Variants in SYNE3 observed in about 807,000 individuals in gnomAD.
The protein encoded by SYNE3 is nesprin-3.
In SYNE3, 100 loss-of-function variants were observed where a neutral mutation model predicts 111.2. The ratio of observed to expected loss-of-function variants is 0.90; its 90% CI spans 0.77 to 1.06. SYNE3 has a LOEUF of 1.06. SYNE3 is among the 50% of genes least tolerant of loss of function. The pLI is 0.00. For synonymous variants in SYNE3, 547 were observed against 533.9 expected, an observed-to-expected ratio of 1.02 and a Z score of -0.34; for missense variants, 1,160 against 1,240.3, an observed-to-expected ratio of 0.94 and a Z score of 0.97.
At chr14:95,434,023 G>GGTTT (rs1885942174) in intron 15 of SYNE3, among the ~76,000 whole-genome samples, 1 of 152,038 alleles carries the variant, frequency 6.6e-6, no homozygotes, top group Middle Eastern at 3.2e-3. Flanking sequence ...AAAGCAAGGG[G>GGTTT]GTTTAACTTG....
At chr14:95,450,540 C>A in intron 7 of SYNE3, 1 of 166,810 alleles carries the variant, frequency 6.0e-6, no homozygotes, top group Non-Finnish European at 1.3e-5. Context: ...AGCCAGGCAT[C>A]ATAGTGCATG....
intron 1 of SYNE3, 103 bp from the exon 2 acceptor site, chr14:95,475,938 C>G: frequency 8.4e-7 from 1 of 1,183,896 alleles, no homozygotes; most frequent in African/African-American, 1.6e-5. Flanking sequence ...ACCACCAACC[C>G]TCCCCTGGTG....
At chr14:95,486,370 C>A (rs73343126) in intron 1 of SYNE3, among the ~76,000 whole-genome samples, 1 of 151,872 alleles carries the variant, frequency 6.6e-6, no homozygotes, top group Non-Finnish European at 1.5e-5. Context: ...CCACCCCCCA[C>A]CCCTCTCCCA....
intron 17 of SYNE3, among the ~76,000 whole-genome samples, chr14:95,431,653 C>A (rs972440475): frequency 6.6e-6 from 1 of 152,224 alleles, no homozygotes; most frequent in Admixed American, 6.5e-5. Flanking sequence ...CTGTCCCTAC[C>A]GAGCCCCATA....
intron 6 of SYNE3, 142 bp from the exon 7 acceptor site, chr14:95,452,525 T>A: frequency 9.7e-7 from 1 of 1,035,996 alleles, no homozygotes; most frequent in Non-Finnish European, 1.3e-6. Flanking sequence ...GGGGCCCCAC[T>A]CTTGAGCTCA....
intron 17 of SYNE3, among the ~76,000 whole-genome samples, chr14:95,429,584 T>G (rs1458786588): frequency 1.3e-5 from 2 of 152,248 alleles, no homozygotes; most frequent in Non-Finnish European, 2.9e-5. Context: ...GCCCCCATGT[T>G]GTTTACTTCT....
At chr14:95,449,347 G>T (rs1473264888) in intron 8 of SYNE3, 2 of 811,866 alleles carry the variant, frequency 2.5e-6, no homozygotes, top group Non-Finnish European at 3.0e-6. Flanking sequence ...AGGGGAGTGT[G>T]CGGGTGTCAG....
At chr14:95,451,857 G>A (rs74079129) in intron 7 of SYNE3, 8,045 of 158,646 alleles carry the variant, frequency 0.051, 633 homozygotes, top group African/African-American at 0.17. Flanking sequence ...GGGGCTGAGG[G>A]ACACGTGGAG....
chr14:95,444,392 G>A lies in SYNE3; in HGVS notation c.1776+93C>T. On this transcript the variant is annotated intron_variant, in intron 10 of 17. Coordinates refer to ENST00000682763, the MANE Select transcript of SYNE3 (RefSeq NM_152592.6). ...TCTAAATTTCTGGCTCACGGCAGCT[G>A]TTGCTTTGCTGGTTACTGCTAGAGG... The A allele has an allele frequency of 2.7e-6, 4 of 1,474,344 alleles. No individual in the cohort carries two copies. The South Asian group carries it at 4.2e-5, about 16-fold the overall frequency. 91.3% of individuals were successfully genotyped at this position (1,474,344 alleles called of 1,614,324 possible).
chr14:95,472,948 A>G (rs1888618488), intron 2 of SYNE3, among the ~76,000 whole-genome samples: 1 of 152,158 alleles, frequency 6.6e-6, no homozygotes, highest in Non-Finnish European at 1.5e-5. Flanking sequence ...CGTCCCTGTC[A>G]CTGCAGCAAA....
At chr14:95,497,022 A>C (rs758433673) in intron 1 of SYNE3, among the ~76,000 whole-genome samples, 51 of 152,354 alleles carry the variant, frequency 3.3e-4, no homozygotes, top group Non-Finnish European at 5.9e-5. Flanking sequence ...CAAAGAAATA[A>C]AATTTGTGGT....
intron 8 of SYNE3, among the ~76,000 whole-genome samples, chr14:95,448,620 G>A (rs560560956): frequency 7.2e-5 from 11 of 152,182 alleles, no homozygotes; most frequent in Non-Finnish European, 1.2e-4. Flanking sequence ...CCCGGGAGGC[G>A]GAGGTTGCAG....
At chr14:95,512,441 C>A (rs1346573628) in intron 1 of SYNE3, among the ~76,000 whole-genome samples, 2 of 152,164 alleles carry the variant, frequency 1.3e-5, no homozygotes, top group African/African-American at 2.4e-5. Context: ...GTAATCCCAG[C>A]TACTCAGGAG....
In SYNE3 at chr14:95,426,785, CA is replaced by C. The variant is rs1007397867; in HGVS notation, c.2727+5293del. ...TGAAACCACGTCTCTACTAAAAATACAAAAAAAAATTAGCCAGGCGTGGTGG... is the reference window on the plus strand; with the variant it reads ...TGAAACCACGTCTCTACTAAAAATACAAAAAAAATTAGCCAGGCGTGGTGG... On this transcript the variant is annotated intron_variant, in intron 17 of 17. Transcript: ENST00000682763. 2.2e-3 allele frequency among the ~76,000 whole-genome samples: 328 copies of C among 149,464 alleles called. 1 individual carries two copies. The highest frequency in any genetic ancestry group is 7.8e-3 in the African/African-American group (318 of 40,782).
chr14:95,423,013 C>G (rs1361779702), intron 17 of SYNE3, among the ~76,000 whole-genome samples: 1 of 152,218 alleles, frequency 6.6e-6, no homozygotes, highest in Admixed American at 6.5e-5. Context: ...AATTACAGCC[C>G]TGCGTTCGCT....
intron 1 of SYNE3, among the ~76,000 whole-genome samples, chr14:95,479,842 G>A (rs1438425331): frequency 6.6e-6 from 1 of 152,156 alleles, no homozygotes; most frequent in Non-Finnish European, 1.5e-5. Context: ...GGCATTGGAA[G>A]GGGCGGGTAG....
chr14:95,449,797 A>T (rs912155626), intron 8 of SYNE3, 134 bp downstream of exon 8: 1 of 1,419,242 alleles, frequency 7.0e-7, no homozygotes. Context: ...AGGACTCAGC[A>T]GACCGGGCGC....
chr14:95,456,018 C>T, intron 5 of SYNE3: 1 of 435,914 alleles, frequency 2.3e-6, no homozygotes, highest in Non-Finnish European at 4.0e-6. Context: ...TGTTTATCTT[C>T]CTTTCCATGC....
chr14:95,419,023 C>A (rs564178933), intron 17 of SYNE3, among the ~76,000 whole-genome samples: 2 of 152,304 alleles, frequency 1.3e-5, no homozygotes, highest in South Asian at 4.1e-4. Context: ...AGGTTAGTCT[C>A]ACAAGTCCAA....
Sources: gnomAD v4.1 joint callset for allele counts (sites outside exome capture counted in the v4.1 genomes callset) on GRCh38, gnomAD v4.1.1 for gene constraint, MANE v1.5 for transcripts, NCBI Gene and HGNC (gene_info 2026-07-23, HGNC 2026-07-21) for gene names.